Variants in IL1RAPL1 observed in about 807,000 individuals in gnomAD.
IL1RAPL1 encodes interleukin-1 receptor accessory protein-like 1.
IL1RAPL1 carries 3 observed loss-of-function variants against 48.4 expected under a neutral mutation model. The ratio of observed to expected loss-of-function variants is 0.06; its 90% CI spans 0.03 to 0.16. IL1RAPL1 has a LOEUF of 0.16. Ranked by LOEUF, IL1RAPL1 falls within the 10% of genes least tolerant of loss-of-function variation. The probability of loss-of-function intolerance (pLI) is 1.00; values close to 1 mark genes in which losing one functional copy is unlikely to be tolerated. For synonymous variants in IL1RAPL1, 185 were observed against 187.7 expected (o/e 0.99, Z 0.12); for missense variants, 349 against 530.6 (o/e 0.66, Z 3.36).
At chrX:29,216,877 C>T (rs1348957312) in intron 2 of IL1RAPL1, among the ~76,000 whole-genome samples, 1 of 111,686 alleles carries the variant, frequency 9.0e-6, no homozygotes, top group Non-Finnish European at 1.9e-5. Context: ...TCAAGTATTA[C>T]GAGGTGACAC....
At chrX:29,556,506 G>T (rs954101385) in intron 5 of IL1RAPL1, among the ~76,000 whole-genome samples, 2 of 110,235 alleles carry the variant, frequency 1.8e-5, no homozygotes, top group Middle Eastern at 4.7e-3. Context: ...AAATTAGCTG[G>T]GTGTGGTGTT....
At chrX:29,764,556 C>G (rs1928833563) in intron 6 of IL1RAPL1, among the ~76,000 whole-genome samples, 2 of 111,569 alleles carry the variant, frequency 1.8e-5, no homozygotes, top group Admixed American at 1.9e-4. Flanking sequence ...AATAGGGGAA[C>G]AATAAGACAG....
chrX:29,366,198 T>C (rs1019041784), intron 3 of IL1RAPL1, among the ~76,000 whole-genome samples: 3 of 111,458 alleles, frequency 2.7e-5, no homozygotes, highest in African/African-American at 3.3e-5. Context: ...AATATTATAT[T>C]ACCTTAAGTT....
chrX:29,562,087 ATCT>A lies in IL1RAPL1; in HGVS notation c.704-106342_704-106340del, dbSNP rs772074521. ...ATCTATCTATCTATCTATCTAATCT[ATCT>A]GTCTATCTATCTATCTATCTATCTA... On this transcript the variant is annotated intron_variant, in intron 5 of 10. Coordinates refer to ENST00000378993, the MANE Select transcript of IL1RAPL1 (RefSeq NM_014271.4). Among the ~76,000 whole-genome samples, 120 of 75,759 alleles carry A rather than the reference ATCT, an allele frequency of 1.6e-3. 1 individual carries two copies. Among genetic ancestry groups the A allele is most frequent in the Non-Finnish European group, 2.2e-3 (88 of 40,072 alleles). 65.8% of individuals were successfully genotyped at this position (75,759 alleles called of 115,157 possible). A position where few individuals can be genotyped will look rare whatever the true frequency, so the allele number is the denominator to read the frequency against.
intron 2 of IL1RAPL1, among the ~76,000 whole-genome samples, chrX:28,976,382 G>T (rs1320326339): frequency 1.8e-5 from 2 of 111,405 alleles, no homozygotes; most frequent in Non-Finnish European, 3.8e-5. Flanking sequence ...AAAGATAAGA[G>T]AATTTCCTAA....
chrX:29,378,804 G>A (rs1305244500), intron 3 of IL1RAPL1, among the ~76,000 whole-genome samples: 2 of 112,029 alleles, frequency 1.8e-5, no homozygotes, highest in African/African-American at 6.5e-5. Flanking sequence ...CTCCTCACCA[G>A]GCCTGCTCCT....
chrX:28,934,322 G>A (rs1451051841), intron 2 of IL1RAPL1, among the ~76,000 whole-genome samples: 1 of 111,416 alleles, frequency 9.0e-6, no homozygotes, highest in Non-Finnish European at 1.9e-5. Flanking sequence ...GGTTGTTAGT[G>A]GAGACGTTTC....
chrX:29,809,382 C>T (rs1930331791), intron 6 of IL1RAPL1, among the ~76,000 whole-genome samples: 1 of 109,857 alleles, frequency 9.1e-6, no homozygotes, highest in Non-Finnish European at 1.9e-5. Context: ...GGATTACAGG[C>T]GTGAGCCACC....
At chrX:29,406,896 C>T (rs925675759) in intron 5 of IL1RAPL1, among the ~76,000 whole-genome samples, 7 of 111,521 alleles carry the variant, frequency 6.3e-5, no homozygotes, top group South Asian at 7.4e-4. Context: ...AAAGTCATTA[C>T]GTTTTTTGTT....
chrX:28,778,763 G>A (rs779059212), intron 1 of IL1RAPL1, among the ~76,000 whole-genome samples: 2 of 111,134 alleles, frequency 1.8e-5, no homozygotes, highest in African/African-American at 6.5e-5. Context: ...AATTTCCCCA[G>A]TAATTCCCAG....
At chrX:29,052,757 C>T (rs933494246) in intron 2 of IL1RAPL1, among the ~76,000 whole-genome samples, 1 of 111,188 alleles carries the variant, frequency 9.0e-6, no homozygotes, top group African/African-American at 3.3e-5. Flanking sequence ...CTGCAACCGC[C>T]GCCTCCCGGG....
chrX:29,067,531 T>G (rs193275203), intron 2 of IL1RAPL1, among the ~76,000 whole-genome samples: 27 of 112,465 alleles, frequency 2.4e-4, no homozygotes, highest in Non-Finnish European at 4.1e-4. Context: ...TAGCTAGAAT[T>G]TCAAATGAAT....
chrX:28,694,266 TG>T (rs944380268), intron 1 of IL1RAPL1, among the ~76,000 whole-genome samples: 6 of 112,374 alleles, frequency 5.3e-5, no homozygotes, highest in Admixed American at 9.5e-5. Flanking sequence ...GGTCTTACCT[TG>T]TCCTTTCTTC....
At position 29,287,044 on chromosome X, in the gene IL1RAPL1, G is replaced by A. The variant is rs140151138; in HGVS notation, c.362+3827G>A. On this transcript the variant is annotated intron_variant, in intron 3 of 10. Transcript: ENST00000378993. ...TCAAGATACAAAACAATGCCATCAC[G>A]TCTCAAGGGCCCCTCCTATTGTTCT... is the stretch of plus-strand genomic sequence containing the variant. 1.8e-3 allele frequency among the ~76,000 whole-genome samples: 203 copies of A among 110,683 alleles called. 2 individuals are homozygous for A. Among genetic ancestry groups the A allele is most frequent in the African/African-American group, 6.2e-3 (190 of 30,401 alleles).
At chrX:28,960,731 G>A (rs767665384) in intron 2 of IL1RAPL1, among the ~76,000 whole-genome samples, 2 of 111,274 alleles carry the variant, frequency 1.8e-5, no homozygotes, top group South Asian at 3.7e-4. Flanking sequence ...GTAAAGGGCC[G>A]GGCGCCGTGG....
chrX:28,656,825 G>A (rs1310575653), intron 1 of IL1RAPL1, among the ~76,000 whole-genome samples: 1 of 110,363 alleles, frequency 9.1e-6, no homozygotes, highest in Non-Finnish European at 1.9e-5. Context: ...AGGAGATCAA[G>A]ACCATCCTGG....
At chrX:29,353,045 C>T (rs1396791577) in intron 3 of IL1RAPL1, among the ~76,000 whole-genome samples, 1 of 111,804 alleles carries the variant, frequency 8.9e-6, no homozygotes, top group Non-Finnish European at 1.9e-5. Flanking sequence ...TATAACTTAT[C>T]CTTCAACACC....
intron 2 of IL1RAPL1, among the ~76,000 whole-genome samples, chrX:29,008,221 G>C (rs776488707): frequency 9.1e-6 from 1 of 109,536 alleles, no homozygotes; most frequent in African/African-American, 3.3e-5. Flanking sequence ...CCAGGCTGGA[G>C]TGCAGTGGCG....
chrX:29,434,786 G>A (rs1299228326), intron 5 of IL1RAPL1, among the ~76,000 whole-genome samples: 1 of 110,365 alleles, frequency 9.1e-6, no homozygotes, highest in Non-Finnish European at 1.9e-5. Flanking sequence ...TATAGTTTAG[G>A]TTCACAAAAG....
Sources: gnomAD v4.1 joint callset for allele counts (sites outside exome capture counted in the v4.1 genomes callset) on GRCh38, gnomAD v4.1.1 for gene constraint, MANE v1.5 for transcripts, NCBI Gene and HGNC (gene_info 2026-07-23, HGNC 2026-07-21) for gene names.